Variants in FAM135B observed in about 807,000 individuals in gnomAD.
The protein encoded by FAM135B is protein FAM135B.
In FAM135B, 43 loss-of-function variants were observed where a neutral mutation model predicts 127.7. The observed-to-expected ratio is 0.34, with a 90% confidence interval of 0.26 to 0.43. The LOEUF is 0.43. FAM135B is among the 20% of genes least tolerant of loss of function. FAM135B has a pLI of 1.00. For missense variants in FAM135B, 1,558 were observed against 1,725.6 expected, an observed-to-expected ratio of 0.90 and a Z score of 1.72; for synonymous variants, 670 against 665.1, an observed-to-expected ratio of 1.01 and a Z score of -0.11.
At chr8:138,382,110 G>A (rs1461492414) in intron 1 of FAM135B, among the ~76,000 whole-genome samples, 3 of 152,058 alleles carry the variant, frequency 2.0e-5, no homozygotes, top group African/African-American at 7.2e-5. Context: ...CTCAGCCCAC[G>A]TCACCGTGTT....
chr8:138,440,890 C>G (rs1835720422), intron 1 of FAM135B: 1 of 152,150 alleles, frequency 6.6e-6, no homozygotes, highest in Admixed American at 6.6e-5. Context: ...AGAAGTGAAA[C>G]TGTGTGAGTT....
At chr8:138,244,829 A>G (rs574677986) in intron 6 of FAM135B, among the ~76,000 whole-genome samples, 3 of 152,282 alleles carry the variant, frequency 2.0e-5, no homozygotes, top group South Asian at 2.1e-4. Context: ...GTGAAATCCA[A>G]TCATATCCAT....
chr8:138,408,065 T>C (rs1833630068), intron 1 of FAM135B, among the ~76,000 whole-genome samples: 1 of 152,198 alleles, frequency 6.6e-6, no homozygotes. Flanking sequence ...AGATTTAGTG[T>C]AATTCTTAAG....
At chr8:138,334,641 G>T (rs912267524) in intron 2 of FAM135B, among the ~76,000 whole-genome samples, 1 of 152,084 alleles carries the variant, frequency 6.6e-6, no homozygotes, top group Non-Finnish European at 1.5e-5. Flanking sequence ...AGAACATGTG[G>T]TATTTGGTTT....
intron 3 of FAM135B, among the ~76,000 whole-genome samples, chr8:138,295,383 C>T (rs764220771): frequency 2.0e-5 from 3 of 151,888 alleles, no homozygotes; most frequent in Non-Finnish European, 2.9e-5. Context: ...ATATGGGTGC[C>T]GGCCTTGATG....
chr8:138,159,516 A>C (rs1187599044), intron 12 of FAM135B, among the ~76,000 whole-genome samples: 2 of 147,394 alleles, frequency 1.4e-5, no homozygotes, highest in Admixed American at 6.8e-5. Flanking sequence ...AGAAAACCAA[A>C]CACCACATGT....
chr8:138,376,402 A>G (rs955315262), intron 1 of FAM135B, among the ~76,000 whole-genome samples: 1 of 152,036 alleles, frequency 6.6e-6, no homozygotes, highest in Non-Finnish European at 1.5e-5. Context: ...CACCTCTTCC[A>G]TGTGCCTCTC....
At chr8:138,483,018 G>A (rs1328545369) in intron 1 of FAM135B, among the ~76,000 whole-genome samples, 2 of 151,788 alleles carry the variant, frequency 1.3e-5, no homozygotes, top group Admixed American at 6.6e-5. Context: ...CTAGACTTAG[G>A]TGCCTCAATG....
At chr8:138,264,069 C>T (rs1205311759) in intron 4 of FAM135B, among the ~76,000 whole-genome samples, 1 of 152,238 alleles carries the variant, frequency 6.6e-6, no homozygotes, top group African/African-American at 2.4e-5. Context: ...CCTTTCCCCT[C>T]CCTCTCTGTG....
intron 7 of FAM135B, among the ~76,000 whole-genome samples, chr8:138,212,939 TA>T (rs1036316849): frequency 7.9e-5 from 12 of 152,120 alleles, no homozygotes; most frequent in Admixed American, 2.0e-4. Context: ...TCCGATTTTT[TA>T]AAAAAAATTA....
chr8:138,285,664 A>G (rs1824622849), intron 3 of FAM135B, among the ~76,000 whole-genome samples: 1 of 152,242 alleles, frequency 6.6e-6, no homozygotes, highest in African/African-American at 2.4e-5. Flanking sequence ...CATATTTCAG[A>G]GAGCTGAGCA....
chr8:138,304,713 C>G (rs987468883), intron 3 of FAM135B, among the ~76,000 whole-genome samples: 3 of 152,192 alleles, frequency 2.0e-5, no homozygotes, highest in African/African-American at 7.2e-5. Flanking sequence ...CAGCAGGTAT[C>G]ATGGCACAAT....
intron 12 of FAM135B, among the ~76,000 whole-genome samples, chr8:138,166,456 C>T (rs56979790): frequency 0.081 from 12,276 of 152,222 alleles, 907 homozygotes; most frequent in African/African-American, 0.19. Flanking sequence ...TGATCTTTTC[C>T]TCCTGAAATG....
intron 7 of FAM135B, among the ~76,000 whole-genome samples, chr8:138,222,078 T>A (rs1586812531): frequency 6.7e-6 from 1 of 148,430 alleles, no homozygotes; most frequent in Non-Finnish European, 1.5e-5. Context: ...GAGTGGGAGG[T>A]GGAGATGTGG....
chr8:138,446,374 T>C (rs957814466), intron 1 of FAM135B, among the ~76,000 whole-genome samples: 8 of 152,058 alleles, frequency 5.3e-5, no homozygotes, highest in Non-Finnish European at 1.0e-4. Context: ...AGAACAAAGC[T>C]GGAGGCATCA....
intron 2 of FAM135B, among the ~76,000 whole-genome samples, chr8:138,352,312 T>A (rs545111964): frequency 4.6e-5 from 7 of 152,246 alleles, no homozygotes; most frequent in Non-Finnish European, 1.0e-4. Flanking sequence ...TGTATCCCAA[T>A]TACTTCAGTT....
chr8:138,241,649 C>G lies in FAM135B; in HGVS notation c.669+1293G>C, dbSNP rs1425454221. Among the ~76,000 whole-genome samples the G allele has an allele frequency of 6.6e-6, 1 of 152,252 alleles. No homozygotes were observed. Among genetic ancestry groups the G allele is most frequent in the South Asian group, 2.1e-4 (1 of 4,824 alleles). Reference sequence around the variant, plus strand: ...CTGACTGTATAGGAGGATAGAACACCTCTTTTGCGGGGCTGACTGGGCATG... The same window carrying G: ...CTGACTGTATAGGAGGATAGAACACGTCTTTTGCGGGGCTGACTGGGCATG... On this transcript the variant is annotated intron_variant, in intron 7 of 19. Coordinates refer to ENST00000395297, the MANE Select transcript of FAM135B (RefSeq NM_015912.4). The surrounding 1 kb of genome is among the most constrained non-coding windows in gnomAD (Gnocchi z 4.8).
chr8:138,263,247 C>T (rs10875420), intron 4 of FAM135B, among the ~76,000 whole-genome samples: 152,184 of 152,330 alleles, frequency 1, 76,019 homozygotes, highest in Non-Finnish European at 1. Context: ...GAAAGTGGTC[C>T]GTACCCGTGG....
intron 15 of FAM135B, 123 bp downstream of exon 15, chr8:138,145,836 C>T (rs1817606301): frequency 1.7e-6 from 1 of 581,996 alleles, no homozygotes; most frequent in Non-Finnish European, 3.1e-6. Flanking sequence ...AATGCCTGGC[C>T]AGCATCTCTT....
Sources: gnomAD v4.1 joint callset for allele counts (sites outside exome capture counted in the v4.1 genomes callset) on GRCh38, gnomAD v4.1.1 for gene constraint, Gnocchi (gnomAD v3.1) non-coding constraint, MANE v1.5 for transcripts, NCBI Gene and HGNC (gene_info 2026-07-23, HGNC 2026-07-21) for gene names.